The following SLX4IP variants were observed in gnomAD, a reference collection of about 807,000 sequenced individuals.
The protein encoded by SLX4IP is protein SLX4IP.
In SLX4IP, 34 loss-of-function variants were observed where a neutral mutation model predicts 32.9. The ratio of observed to expected loss-of-function variants is 1.03; its 90% CI spans 0.79 to 1.38. The LOEUF (loss-of-function observed/expected upper bound fraction) is 1.38, where lower values mean the gene tolerates loss of function less well. Ranked by LOEUF, SLX4IP falls within the 40% of genes most tolerant of loss-of-function variation. SLX4IP has a pLI of 0.00. For missense variants in SLX4IP, 444 were observed against 479.0 expected, an observed-to-expected ratio of 0.93 and a Z score of 0.68; for synonymous variants, 172 against 171.7, an observed-to-expected ratio of 1.00 and a Z score of -0.01.
chr20:10,447,390 C>A (rs1183841944), intron 1 of SLX4IP, among the ~76,000 whole-genome samples: 1 of 152,008 alleles, frequency 6.6e-6, no homozygotes, highest in Non-Finnish European at 1.5e-5. Context: ...TTCTCAGTTT[C>A]CCTGTTCAAG....
intron 1 of SLX4IP, among the ~76,000 whole-genome samples, chr20:10,455,383 G>T (rs1311757909): frequency 1.3e-5 from 2 of 151,858 alleles, no homozygotes; most frequent in Non-Finnish European, 2.9e-5. Context: ...GATCCATTTT[G>T]ATTTAACTTT....
At chr20:10,499,047 C>T (rs2065694131) in intron 2 of SLX4IP, among the ~76,000 whole-genome samples, 1 of 152,122 alleles carries the variant, frequency 6.6e-6, no homozygotes, top group South Asian at 2.1e-4. Context: ...TGTATCTTTA[C>T]AGCAATCATT....
At chr20:10,489,641 G>A (rs1304294214) in intron 2 of SLX4IP, among the ~76,000 whole-genome samples, 1 of 152,118 alleles carries the variant, frequency 6.6e-6, no homozygotes, top group Non-Finnish European at 1.5e-5. Context: ...TCCTCAACGT[G>A]CTAGCACAAG....
At position 10,518,490 on chromosome 20, in the gene SLX4IP, T is replaced by TCC. The variant is rs1568720310; in HGVS notation, c.28-37741_28-37740insCC. Among the ~76,000 whole-genome samples, 207 of 65,790 alleles carry TCC rather than the reference T, an allele frequency of 3.1e-3. 3 individuals are homozygous for TCC. Among genetic ancestry groups the TCC allele is most frequent in the Non-Finnish European group, 4.8e-3 (139 of 28,996 alleles). 43.2% of individuals were successfully genotyped at this position (65,790 alleles called of 152,430 possible). A position where few individuals can be genotyped will look rare whatever the true frequency, so the allele number is the denominator to read the frequency against. ...TTCCTTTCTTTTCCTTTCCTTTCCT[T>TCC]TTCCTTCCTTCCTTCCTTCCTTCCT... On this transcript the variant is annotated intron_variant, in intron 2 of 7. Coordinates refer to ENST00000334534, the MANE Select transcript of SLX4IP (RefSeq NM_001009608.3).
intron 2 of SLX4IP, among the ~76,000 whole-genome samples, chr20:10,548,847 CTTATTG>C (rs946139875): frequency 6.6e-6 from 1 of 152,208 alleles, no homozygotes; most frequent in Non-Finnish European, 1.5e-5. Flanking sequence ...CTCCATGAAT[CTTATTG>C]TTATTGCCAG....
intron 1 of SLX4IP, among the ~76,000 whole-genome samples, chr20:10,449,821 T>C (rs1322134118): frequency 2.0e-5 from 3 of 152,188 alleles, no homozygotes; most frequent in Non-Finnish European, 4.4e-5. Context: ...TATTATTTTA[T>C]ATAAAAAATA....
At chr20:10,472,885 C>G (rs2065437952) in intron 2 of SLX4IP, among the ~76,000 whole-genome samples, 1 of 152,100 alleles carries the variant, frequency 6.6e-6, no homozygotes, top group Non-Finnish European at 1.5e-5. Context: ...TGTTTTGTTT[C>G]ATTCAAGTAT....
At chr20:10,576,013 T>A (rs77046864) in intron 4 of SLX4IP, among the ~76,000 whole-genome samples, 2,738 of 152,254 alleles carry the variant, frequency 0.018, 62 homozygotes, top group African/African-American at 0.051. Context: ...CCTGAATATC[T>A]TGGGAATTTG....
chr20:10,593,808 C>A (rs887269985), intron 4 of SLX4IP, among the ~76,000 whole-genome samples: 6 of 152,022 alleles, frequency 3.9e-5, no homozygotes, highest in Non-Finnish European at 8.8e-5. Flanking sequence ...GTTCAGAGTT[C>A]TTTTTTTAAA....
intron 2 of SLX4IP, among the ~76,000 whole-genome samples, chr20:10,515,977 C>T (rs2065846728): frequency 1.3e-5 from 2 of 152,150 alleles, no homozygotes; most frequent in Admixed American, 1.3e-4. Flanking sequence ...TAGCCTCTGC[C>T]TCCAGGGCTC....
chr20:10,469,722 T>A (rs148683249), intron 2 of SLX4IP, among the ~76,000 whole-genome samples: 378 of 152,336 alleles, frequency 2.5e-3, no homozygotes, highest in Non-Finnish European at 4.2e-3. Flanking sequence ...CAATGTTTTA[T>A]AAAGTATCTT....
At chr20:10,579,728 A>G (rs866328604) in intron 4 of SLX4IP, among the ~76,000 whole-genome samples, 2 of 152,126 alleles carry the variant, frequency 1.3e-5, no homozygotes, top group African/African-American at 4.8e-5. Flanking sequence ...GCCTGGCCTC[A>G]ATTCTGTTTC....
intron 2 of SLX4IP, among the ~76,000 whole-genome samples, chr20:10,486,024 TATAACA>T (rs2065570265): frequency 6.6e-6 from 1 of 152,058 alleles, no homozygotes; most frequent in South Asian, 2.1e-4. Flanking sequence ...GCACCCTCGG[TATAACA>T]TTATTGGAAA....
rs529706851 is a variant in SLX4IP, at chr20:10,447,873, T to C, written c.-29-10303T>C. On this transcript the variant is annotated intron_variant, in intron 1 of 7. Coordinates refer to ENST00000334534, the MANE Select transcript of SLX4IP (RefSeq NM_001009608.3). ...GGGCTCCACACCTGGCTGATTTTTTTTTTTTTTTTTTTTTAGAGATAGGGT... is the reference window on the plus strand; with the variant it reads ...GGGCTCCACACCTGGCTGATTTTTTCTTTTTTTTTTTTTTAGAGATAGGGT... 7.3e-5 allele frequency among the ~76,000 whole-genome samples: 11 copies of C among 150,286 alleles called. No individual in the cohort carries two copies. The South Asian group carries it at 2.1e-3, about 29-fold the overall frequency.
At chr20:10,577,493 AT>A (rs1219430784) in intron 4 of SLX4IP, among the ~76,000 whole-genome samples, 1 of 152,182 alleles carries the variant, frequency 6.6e-6, no homozygotes, top group Non-Finnish European at 1.5e-5. Flanking sequence ...AGGCAGAAGG[AT>A]TGCTTGAGAC....
chr20:10,599,643 C>T (rs938982898), intron 5 of SLX4IP, among the ~76,000 whole-genome samples: 1 of 151,882 alleles, frequency 6.6e-6, no homozygotes, highest in African/African-American at 2.4e-5. Flanking sequence ...GCTGTACTCC[C>T]GCCTTGGCCT....
chr20:10,529,795 A>G (rs2065972383), intron 2 of SLX4IP, among the ~76,000 whole-genome samples: 1 of 152,160 alleles, frequency 6.6e-6, no homozygotes, highest in African/African-American at 2.4e-5. Context: ...ACCTCAAGCC[A>G]AAATGAACAG....
intron 2 of SLX4IP, among the ~76,000 whole-genome samples, chr20:10,496,049 C>T (rs1199261916): frequency 6.6e-6 from 1 of 151,052 alleles, no homozygotes. Context: ...TTTTTTTCTG[C>T]ACCTATTCAT....
intron 2 of SLX4IP, among the ~76,000 whole-genome samples, chr20:10,496,574 C>G (rs1210758706): frequency 6.6e-6 from 1 of 152,118 alleles, no homozygotes; most frequent in Non-Finnish European, 1.5e-5. Flanking sequence ...GGCTTTTCCT[C>G]ATTCTTATAG....
Sources: gnomAD v4.1 joint callset for allele counts (sites outside exome capture counted in the v4.1 genomes callset) on GRCh38, gnomAD v4.1.1 for gene constraint, MANE v1.5 for transcripts, NCBI Gene and HGNC (gene_info 2026-07-23, HGNC 2026-07-21) for gene names.